The following AGBL4 variants were observed in gnomAD, a reference collection of about 807,000 sequenced individuals.
AGBL4 encodes the protein AGBL carboxypeptidase 4, also known as cytosolic carboxypeptidase 6.
AGBL4 carries 58 observed loss-of-function variants against 66.4 expected under a neutral mutation model. That is an observed-to-expected ratio of 0.87 (90% confidence interval 0.71 to 1.09). AGBL4 has a LOEUF of 1.09. AGBL4 is among the 50% of genes least tolerant of loss of function. The pLI, the probability that AGBL4 is intolerant of heterozygous loss-of-function variation, is 0.00. For missense variants in AGBL4, 579 were observed against 631.0 expected, an observed-to-expected ratio of 0.92 and a Z score of 0.88; for synonymous variants, 234 against 222.9, an observed-to-expected ratio of 1.05 and a Z score of -0.44.
chr1:49,085,528 C>T (rs576500326), intron 4 of AGBL4, among the ~76,000 whole-genome samples: 1 of 151,998 alleles, frequency 6.6e-6, no homozygotes, highest in African/African-American at 2.4e-5. Context: ...TGGTGGACTA[C>T]AAGCAGCTCA....
intron 3 of AGBL4, among the ~76,000 whole-genome samples, chr1:49,304,510 T>C (rs1462563027): frequency 6.6e-6 from 1 of 152,158 alleles, no homozygotes; most frequent in Non-Finnish European, 1.5e-5. Context: ...GACATGGTGT[T>C]TGAAGAAGGT....
At chr1:49,737,299 T>C (rs1393720766) in intron 2 of AGBL4, among the ~76,000 whole-genome samples, 2 of 152,044 alleles carry the variant, frequency 1.3e-5, no homozygotes, top group South Asian at 2.1e-4. Flanking sequence ...CCATCAATGC[T>C]AGATTGGATA....
intron 2 of AGBL4, among the ~76,000 whole-genome samples, chr1:49,704,817 T>C (rs550226405): frequency 2.6e-5 from 4 of 152,304 alleles, no homozygotes; most frequent in South Asian, 4.1e-4. Context: ...TACCATGCTG[T>C]TGGGGTTACT....
chr1:49,274,321 T>G (rs906274466), intron 3 of AGBL4, among the ~76,000 whole-genome samples: 1 of 152,178 alleles, frequency 6.6e-6, no homozygotes, highest in South Asian at 2.1e-4. Flanking sequence ...ATTGGAATTA[T>G]ATAGTATGTT....
intron 3 of AGBL4, among the ~76,000 whole-genome samples, chr1:49,543,522 C>T (rs1258706473): frequency 6.6e-6 from 1 of 152,042 alleles, no homozygotes; most frequent in African/African-American, 2.4e-5. Context: ...GGCCTTTTAG[C>T]GATGTCTGAC....
intron 6 of AGBL4, among the ~76,000 whole-genome samples, chr1:48,756,497 T>C (rs1210098905): frequency 6.6e-6 from 1 of 152,122 alleles, no homozygotes; most frequent in South Asian, 2.1e-4. Flanking sequence ...GTCCCTGGCA[T>C]GTAGCAGGAG....
chr1:49,968,816 T>C (rs1052795364), intron 1 of AGBL4, among the ~76,000 whole-genome samples: 2 of 152,226 alleles, frequency 1.3e-5, no homozygotes, highest in African/African-American at 2.4e-5. Flanking sequence ...AAGGCCAGCA[T>C]AGCAGAGTAA....
intron 6 of AGBL4, among the ~76,000 whole-genome samples, chr1:48,828,337 A>C (rs1424898595): frequency 2.6e-5 from 4 of 152,168 alleles, no homozygotes; most frequent in African/African-American, 4.8e-5. Flanking sequence ...CCATTGCTCT[A>C]GCACTTGCTG....
chr1:49,129,567 G>C (rs1231226385), intron 4 of AGBL4, among the ~76,000 whole-genome samples: 1 of 151,132 alleles, frequency 6.6e-6, no homozygotes, highest in Non-Finnish European at 1.5e-5. Context: ...TGCGGTGTTT[G>C]GTTTTTTGTC....
intron 4 of AGBL4, among the ~76,000 whole-genome samples, chr1:49,158,732 T>C: frequency 6.6e-6 from 1 of 152,036 alleles, no homozygotes; most frequent in East Asian, 1.9e-4. Context: ...AAGACCTTGC[T>C]TTATGAATCT....
intron 3 of AGBL4, among the ~76,000 whole-genome samples, chr1:49,616,837 C>T (rs895030668): frequency 6.6e-6 from 1 of 152,128 alleles, no homozygotes; most frequent in African/African-American, 2.4e-5. Flanking sequence ...ATCCAATCAA[C>T]GAATCTATTG....
At chr1:48,537,961 T>C (rs1644000674) in intron 12 of AGBL4, among the ~76,000 whole-genome samples, 2 of 152,152 alleles carry the variant, frequency 1.3e-5, no homozygotes, top group Non-Finnish European at 1.5e-5. Context: ...TGGTATAAAG[T>C]GTTGCTTTTC....
At chr1:49,981,614 G>A (rs1057509887) in intron 1 of AGBL4, among the ~76,000 whole-genome samples, 1 of 152,018 alleles carries the variant, frequency 6.6e-6, no homozygotes, top group African/African-American at 2.4e-5. Flanking sequence ...CAGGCTGTCT[G>A]CATTCAAATC....
chr1:49,983,866 T>G (rs886505492), intron 1 of AGBL4, among the ~76,000 whole-genome samples: 2 of 152,206 alleles, frequency 1.3e-5, no homozygotes, highest in Admixed American at 6.5e-5. Flanking sequence ...GGGCTCCCTG[T>G]GGCCCAGGAG....
In AGBL4 at chr1:49,510,751, G is replaced by C. The variant is rs575149595; in HGVS notation, c.282+186562C>G. On this transcript the variant is annotated intron_variant, in intron 3 of 13. Coordinates refer to ENST00000371839, the MANE Select transcript of AGBL4 (RefSeq NM_032785.4). ...TTAAGTCTTTAATCCAACTTGAATT[G>C]ATTTTTGTATAAGGTGTAAGGAAGG... Among the ~76,000 whole-genome samples, 128 of 151,444 alleles carry C rather than the reference G, an allele frequency of 8.5e-4. 1 individual carries two copies. Among genetic ancestry groups the C allele is most frequent in the African/African-American group, 2.8e-3 (117 of 41,344 alleles).
chr1:49,410,031 C>T (rs1220554431), intron 3 of AGBL4, among the ~76,000 whole-genome samples: 1 of 152,068 alleles, frequency 6.6e-6, no homozygotes, highest in African/African-American at 2.4e-5. Flanking sequence ...TGTGTGGGTC[C>T]CTGAAGTACT....
chr1:49,877,540 G>A (rs1185898977), intron 1 of AGBL4, among the ~76,000 whole-genome samples: 1 of 151,424 alleles, frequency 6.6e-6, no homozygotes, highest in East Asian at 1.9e-4. Flanking sequence ...GCTTTTTGAT[G>A]GGCTGCTGGA....
intron 3 of AGBL4, among the ~76,000 whole-genome samples, chr1:49,481,408 C>A (rs1200621143): frequency 1.3e-5 from 2 of 152,006 alleles, no homozygotes; most frequent in South Asian, 4.2e-4. Flanking sequence ...GAAGTTCATT[C>A]GTGATTTGGC....
chr1:48,526,769 G>C, the AGBL4 span, among the ~76,000 whole-genome samples: 1 of 151,724 alleles, frequency 6.6e-6, no homozygotes, highest in Non-Finnish European at 1.5e-5. Flanking sequence ...AGAAGTAGTA[G>C]TTATAACCAC....
Sources: allele counts gnomAD v4.1 joint callset (sites outside exome capture counted in the v4.1 genomes callset), GRCh38; gene constraint gnomAD v4.1.1; transcripts MANE v1.5; gene names NCBI Gene and HGNC (gene_info 2026-07-23, HGNC 2026-07-21).